Variants in ATRNL1 observed in about 807,000 individuals in gnomAD.
ATRNL1 encodes the protein attractin like 1, also known as attractin-like protein 1.
ATRNL1 carries 95 observed loss-of-function variants against 182.7 expected under a neutral mutation model. The ratio of observed to expected loss-of-function variants is 0.52; its 90% CI spans 0.44 to 0.62. ATRNL1 has a LOEUF of 0.62. Ranked by LOEUF, ATRNL1 falls within the 20% of genes least tolerant of loss-of-function variation. The probability of loss-of-function intolerance (pLI) is 0.00; values close to 1 mark genes in which losing one functional copy is unlikely to be tolerated. For synonymous variants in ATRNL1, 576 were observed against 568.3 expected (o/e 1.01, Z -0.19); for missense variants, 1,471 against 1,679.5 (o/e 0.88, Z 2.17).
intron 9 of ATRNL1, among the ~76,000 whole-genome samples, chr10:115,223,972 G>A (rs1230788845): frequency 2.6e-5 from 3 of 116,268 alleles, no homozygotes; most frequent in Admixed American, 2.2e-4. Flanking sequence ...CTCTCACTCC[G>A]TCACCCAGCC....
At chr10:115,389,563 T>TATATATAC (rs1843892732) in intron 19 of ATRNL1, among the ~76,000 whole-genome samples, 1 of 108,842 alleles carries the variant, frequency 9.2e-6, no homozygotes, top group Non-Finnish European at 2.0e-5. Context: ...TATATATATA[T>TATATATAC]ATATATATAT....
At chr10:115,592,347 G>A (rs2769404) in intron 26 of ATRNL1, among the ~76,000 whole-genome samples, 102,483 of 152,208 alleles carry the variant, frequency 0.67, 35,449 homozygotes, top group Middle Eastern at 0.74. Flanking sequence ...GAGATCGCCA[G>A]TGATGGTGTT....
At chr10:115,758,051 C>G (rs1272427845) in intron 27 of ATRNL1, among the ~76,000 whole-genome samples, 1 of 151,844 alleles carries the variant, frequency 6.6e-6, no homozygotes, top group African/African-American at 2.4e-5. Flanking sequence ...TTCTAGTTAA[C>G]AATTCATATA....
chr10:115,880,502 C>T (rs1332274601), intron 28 of ATRNL1, among the ~76,000 whole-genome samples: 1 of 152,134 alleles, frequency 6.6e-6, no homozygotes, highest in Non-Finnish European at 1.5e-5. Flanking sequence ...CTGATGGGTA[C>T]CTGTAATCTC....
intron 27 of ATRNL1, among the ~76,000 whole-genome samples, chr10:115,746,394 A>G (rs11197430): frequency 0.2 from 30,053 of 151,986 alleles, 3,461 homozygotes; most frequent in South Asian, 0.3. Context: ...TATTCCAGGC[A>G]TTTATTCAAT....
intron 22 of ATRNL1, among the ~76,000 whole-genome samples, chr10:115,466,628 CTG>C (rs1848064889): frequency 6.6e-6 from 1 of 151,204 alleles, no homozygotes; most frequent in Non-Finnish European, 1.5e-5. Flanking sequence ...CTCTCTATAA[CTG>C]TGTAAACAAT....
chr10:115,347,985 A>G (rs1856051977), intron 19 of ATRNL1, among the ~76,000 whole-genome samples: 1 of 151,980 alleles, frequency 6.6e-6, no homozygotes, highest in Non-Finnish European at 1.5e-5. Context: ...ACTTAATTTT[A>G]TTTTTTGAGA....
chr10:115,469,376 A>G, intron 24 of ATRNL1, 47 bp downstream of exon 24: 1 of 1,236,140 alleles, frequency 8.1e-7, no homozygotes. Flanking sequence ...TATCATTAAG[A>G]AAAGAATGGT....
intron 8 of ATRNL1, among the ~76,000 whole-genome samples, chr10:115,184,325 C>T (rs144474219): frequency 0.025 from 3,771 of 151,176 alleles, 54 homozygotes; most frequent in South Asian, 0.035. Flanking sequence ...ACAAAACAAG[C>T]GTGCACACTA....
At position 115,621,354 on chromosome 10, in the gene ATRNL1, G is replaced by T. The variant is rs951532803; in HGVS notation, c.3795+71818G>T. On this transcript the variant is annotated intron_variant, in intron 26 of 28. Transcript: ENST00000355044. ...AGCATCTTACTTGTCACCCAGGCTG[G>T]AGTGAAGTAGCATAATCATGGCTCA... Among the ~76,000 whole-genome samples, 35 of 150,304 alleles carry T rather than the reference G, an allele frequency of 2.3e-4. 1 individual carries two copies. Among genetic ancestry groups the T allele is most frequent in the Admixed American group, 2.1e-3 (32 of 15,024 alleles).
At chr10:115,360,610 A>T (rs1856697966) in intron 19 of ATRNL1, among the ~76,000 whole-genome samples, 1 of 151,386 alleles carries the variant, frequency 6.6e-6, no homozygotes, top group Admixed American at 6.6e-5. Context: ...GCAAAAAAAA[A>T]ATCCGATTAT....
intron 3 of ATRNL1, among the ~76,000 whole-genome samples, chr10:115,126,620 G>T (rs1454740267): frequency 1.3e-5 from 2 of 152,158 alleles, no homozygotes; most frequent in African/African-American, 4.8e-5. Context: ...TTTTTAACTT[G>T]TTTGCATTTG....
intron 1 of ATRNL1, among the ~76,000 whole-genome samples, chr10:115,116,040 T>C (rs1263698331): frequency 2.0e-5 from 3 of 152,066 alleles, no homozygotes; most frequent in Admixed American, 6.6e-5. Context: ...TGGCAAACTT[T>C]TTCTGAAAAG....
intron 26 of ATRNL1, among the ~76,000 whole-genome samples, chr10:115,575,594 A>G (rs1415845494): frequency 6.6e-6 from 1 of 152,080 alleles, no homozygotes; most frequent in Non-Finnish European, 1.5e-5. Flanking sequence ...TCTGCATGCT[A>G]ATGTCACCTA....
rs782157017 is a variant in ATRNL1 at position 115,442,303 on chromosome 10, C to CTCTCTGTG, written c.3322+16002_3322+16003insCTCTGTGT. Among the ~76,000 whole-genome samples the CTCTCTGTG allele has an allele frequency of 6.4e-4, 79 of 123,748 alleles. 2 individuals are homozygous for CTCTCTGTG. The highest frequency in any genetic ancestry group is 1.7e-3 in the Admixed American group (21 of 12,164). 81.2% of individuals were successfully genotyped at this position (123,748 alleles called of 152,430 possible). A position where few individuals can be genotyped will look rare whatever the true frequency, so the allele number is the denominator to read the frequency against. ...TCTCTCTCTCTCTCTCTCTCTCTCTCTGTGTGTATGTGTGTGTGTAAACAA... is the reference window on the plus strand; with the variant it reads ...TCTCTCTCTCTCTCTCTCTCTCTCTCTCTCTGTGTGTGTGTATGTGTGTGTGTAAACAA... On this transcript the variant is annotated intron_variant, in intron 21 of 28. Transcript: ENST00000355044.
intron 8 of ATRNL1, among the ~76,000 whole-genome samples, chr10:115,214,293 A>T (rs1458809817): frequency 7.9e-6 from 1 of 126,944 alleles, no homozygotes; most frequent in Non-Finnish European, 1.7e-5. Context: ...TAAAACTATG[A>T]AAATCTTTTA....
At chr10:115,131,530 A>T (rs1166325837) in intron 5 of ATRNL1, among the ~76,000 whole-genome samples, 7 of 152,150 alleles carry the variant, frequency 4.6e-5, no homozygotes, top group Non-Finnish European at 7.4e-5. Context: ...GAGCAAACTC[A>T]TTTAGGGGAA....
intron 24 of ATRNL1, among the ~76,000 whole-genome samples, chr10:115,497,657 C>G (rs967711845): frequency 9.3e-5 from 8 of 85,680 alleles, no homozygotes; most frequent in Non-Finnish European, 2.4e-4. Context: ...TAAGTTTACT[C>G]TTTTTTTTCT....
At chr10:115,157,963 A>G (rs782567727) in intron 5 of ATRNL1, among the ~76,000 whole-genome samples, 2 of 151,968 alleles carry the variant, frequency 1.3e-5, no homozygotes, top group Admixed American at 6.6e-5. Context: ...TAATACCCAC[A>G]TATTACTTGG....
Sources: gnomAD v4.1 joint callset for allele counts (sites outside exome capture counted in the v4.1 genomes callset) on GRCh38, gnomAD v4.1.1 for gene constraint, MANE v1.5 for transcripts, NCBI Gene and HGNC (gene_info 2026-07-23, HGNC 2026-07-21) for gene names.